PCDHA4: variants seen among roughly 807,000 people sequenced by gnomAD.
The protein encoded by PCDHA4 is protocadherin alpha 4, also known as protocadherin alpha-4.
Under a neutral mutation model 61.4 loss-of-function variants are expected in PCDHA4, and 49 were observed. The ratio of observed to expected loss-of-function variants is 0.80; its 90% CI spans 0.63 to 1.01. The LOEUF (loss-of-function observed/expected upper bound fraction) is 1.01. Ranked by LOEUF, PCDHA4 falls within the 50% of genes least tolerant of loss-of-function variation. The pLI is 0.00. For synonymous variants in PCDHA4, 590 were observed against 550.3 expected (o/e 1.07, Z -1.01); for missense variants, 1,254 against 1,235.8 (o/e 1.01, Z -0.22).
intron 1 of PCDHA4, chr5:140,836,295 G>A: frequency 1.9e-6 from 3 of 1,613,804 alleles, no homozygotes; most frequent in South Asian, 2.2e-5. Flanking sequence ...ACGAGCCCTA[G>A]ATGAGACGGA....
At chr5:140,974,377 A>G (rs1356669539) in intron 1 of PCDHA4, among the ~76,000 whole-genome samples, 1 of 152,190 alleles carries the variant, frequency 6.6e-6, no homozygotes, top group Non-Finnish European at 1.5e-5. Flanking sequence ...TTTCTGTTGT[A>G]CTGGAACCCA....
chr5:140,955,922 GTTCA>G (rs1413540621), intron 1 of PCDHA4, among the ~76,000 whole-genome samples: 2 of 152,138 alleles, frequency 1.3e-5, no homozygotes, highest in African/African-American at 4.8e-5. Flanking sequence ...GTGAATGGGA[GTTCA>G]TTCATAATAT....
intron 1 of PCDHA4, chr5:140,829,979 G>A (rs2150179079): frequency 5.6e-6 from 9 of 1,614,004 alleles, no homozygotes; most frequent in Non-Finnish European, 7.6e-6. Flanking sequence ...GTACACGGGC[G>A]AGATCAGCAC....
chr5:140,833,353 G>C (rs891169928), intron 1 of PCDHA4, among the ~76,000 whole-genome samples: 3 of 152,096 alleles, frequency 2.0e-5, no homozygotes, highest in African/African-American at 4.8e-5. Flanking sequence ...TCCAGAAAAC[G>C]AACACAGTAA....
rs1282468969 is a variant in PCDHA4 at position 140,823,212 on chromosome 5, G to C, written c.2385+13640G>C. 4.3e-6 allele frequency: 7 copies of C among 1,613,784 alleles called. No homozygotes were observed. In the East Asian group the frequency reaches 1.6e-4, roughly 36 times the overall value. The stretch of plus-strand genomic sequence containing the variant: ...GCCACATCTTCACGGTGTCTGCACG[G>C]GACGCGGACGCGCAGGAGAACGCCC... On this transcript the variant is annotated intron_variant, in intron 1 of 3. Coordinates refer to ENST00000530339, the MANE Select transcript of PCDHA4 (RefSeq NM_018907.4).
At chr5:140,856,648 T>C in intron 1 of PCDHA4, 1 of 1,598,290 alleles carries the variant, frequency 6.3e-7, no homozygotes, top group Non-Finnish European at 8.6e-7. Context: ...AGCTGCTGGA[T>C]CGTGAAGAAA....
rs1311256758 is a variant in PCDHA4 at position 140,857,805 on chromosome 5, C to A, written c.2385+48233C>A. 13 of 1,597,714 alleles carry A rather than the reference C, an allele frequency of 8.1e-6. 1 individual carries two copies. The highest frequency in any genetic ancestry group is 1.7e-5 in the Admixed American group (1 of 59,256). On this transcript the variant is annotated intron_variant, in intron 1 of 3. Transcript: ENST00000530339. ...GAGCTGGTGCTGCGGTCGGTGGTTG[C>A]GGGTCACGTGGTGGCTAAGGTGCGC... is the stretch of plus-strand genomic sequence containing the variant.
intron 1 of PCDHA4, among the ~76,000 whole-genome samples, chr5:140,952,671 A>C (rs1429468287): frequency 6.6e-6 from 1 of 152,176 alleles, no homozygotes; most frequent in Admixed American, 6.5e-5. Context: ...AGTCACTTTC[A>C]CATTTTCAGG....
rs782469870 is a variant in PCDHA4 at position 140,809,215 on chromosome 5, A to G, written c.2028A>G (p.Pro676=). ...CACTTGTGGAGAGTGGACAGGCGCC[A>G]AAGGCCTCCTCACGGGCGTTGGTGG... ...LVSLVESGQA[P]KASSRALVGA... Residue 676 remains proline, a synonymous_variant, in exon 1 of 4, where the codon CCA becomes CCG. Coordinates refer to ENST00000530339, the MANE Select transcript of PCDHA4 (RefSeq NM_018907.4). The G allele has an allele frequency of 6.2e-7, 1 of 1,614,050 alleles. No homozygotes were observed. Among genetic ancestry groups the G allele is most frequent in the South Asian group, 1.1e-5 (1 of 91,086 alleles).
chr5:140,842,285 G>A lies in PCDHA4; in HGVS notation c.2385+32713G>A, dbSNP rs1777851856. 1.9e-6 allele frequency: 3 copies of A among 1,610,382 alleles called. No homozygotes were observed. The highest frequency in any genetic ancestry group is 2.5e-6 in the Non-Finnish European group (3 of 1,176,908). On this transcript the variant is annotated intron_variant, in intron 1 of 3. Transcript: ENST00000530339. ...AAACTTATACAAAATCCTCATTGAC[G>A]CCACGGACAAAGGCCATCCTCCCAT...
chr5:140,968,789 G>C, intron 1 of PCDHA4: 5 of 1,614,180 alleles, frequency 3.1e-6, no homozygotes, highest in Non-Finnish European at 4.2e-6. Context: ...AGCCTCTGTG[G>C]CCATTACAGT....
intron 1 of PCDHA4, chr5:140,822,789 A>G (rs1767433186): frequency 1.2e-6 from 2 of 1,614,044 alleles, no homozygotes; most frequent in Non-Finnish European, 8.5e-7. Context: ...TAGTAGTGAA[A>G]CTCCTGGATG....
chr5:140,923,959 C>A (rs2153570659), intron 1 of PCDHA4, among the ~76,000 whole-genome samples: 1 of 152,348 alleles, frequency 6.6e-6, no homozygotes, highest in Non-Finnish European at 1.5e-5. Context: ...ACGCCCTAAT[C>A]TATACCCACA....
At chr5:140,871,774 T>C (rs1164981873) in intron 1 of PCDHA4, among the ~76,000 whole-genome samples, 1 of 152,254 alleles carries the variant, frequency 6.6e-6, no homozygotes, top group African/African-American at 2.4e-5. Context: ...GACTCTTCTG[T>C]AGTCACTTGA....
intron 3 of PCDHA4, among the ~76,000 whole-genome samples, chr5:140,992,147 G>A (rs1304729438): frequency 2.0e-5 from 3 of 151,714 alleles, no homozygotes; most frequent in Non-Finnish European, 4.4e-5. Context: ...TGCTAACTTT[G>A]CTCAATCAAG....
At chr5:140,870,439 G>A (rs374343977) in intron 1 of PCDHA4, 5 of 1,614,126 alleles carry the variant, frequency 3.1e-6, no homozygotes, top group African/African-American at 2.7e-5. Flanking sequence ...GGAGGTGGCC[G>A]ACGTGAACGA....
Position 140,809,334 on chromosome 5 carries a change from T to C in PCDHA4, c.2147T>C (p.Leu716Pro), listed in dbSNP as rs782036778. The change falls in exon 1 of 4, where the codon CTG becomes CCG. Residue 716 changes from leucine (L) to proline (P), a missense_variant. Coordinates refer to ENST00000530339, the MANE Select transcript of PCDHA4 (RefSeq NM_018907.4). ...AVSSLLVLTL[L>P]LYTALRCSAL... ...TCCAGCCTTTTGGTGCTCACGCTGC[T>C]GCTGTACACCGCGCTGCGGTGCTCT... is the stretch of plus-strand genomic sequence containing the variant. 6 of 1,614,092 alleles carry C rather than the reference T, an allele frequency of 3.7e-6. No homozygotes were observed. The highest frequency in any genetic ancestry group is 5.1e-6 in the Non-Finnish European group (6 of 1,179,934).
At chr5:140,829,646 G>T (rs199727548) in intron 1 of PCDHA4, 8 of 1,612,258 alleles carry the variant, frequency 5.0e-6, no homozygotes, top group Non-Finnish European at 5.9e-6. Flanking sequence ...CAAGGTGTAC[G>T]CGCTGCAGCC....
Position 140,911,260 on chromosome 5 carries a change from A to G in PCDHA4, c.2386-67689A>G, listed in dbSNP as rs1178961396. On this transcript the variant is annotated intron_variant, in intron 1 of 3. Transcript: ENST00000530339. ...AAAAAAAGTTTCATCAGAATTTATA[A>G]TCTCAGTGTCCCCAGCTTCATCAGG... is the stretch of plus-strand genomic sequence containing the variant. Among the ~76,000 whole-genome samples, 8 of 152,222 alleles carry G rather than the reference A, an allele frequency of 5.3e-5. 1 individual carries two copies. The highest frequency in any genetic ancestry group is 1.9e-4 in the African/African-American group (8 of 41,520).
Sources: gnomAD v4.1 joint callset for allele counts (sites outside exome capture counted in the v4.1 genomes callset) on GRCh38, gnomAD v4.1.1 for gene constraint, MANE v1.5 for transcripts, NCBI Gene and HGNC (gene_info 2026-07-23, HGNC 2026-07-21) for gene names.